SGCZ: variants seen among roughly 807,000 people sequenced by gnomAD.
SGCZ encodes zeta-sarcoglycan.
Under a neutral mutation model 41.3 loss-of-function variants are expected in SGCZ, and 40 were observed. The observed-to-expected ratio is 0.97, with a 90% CI of 0.75 to 1.26. The LOEUF (loss-of-function observed/expected upper bound fraction) is 1.26. Among genes scored for constraint, SGCZ ranks in the 50% most tolerant of loss-of-function variants. The probability of loss-of-function intolerance (pLI) is 0.00; values close to 1 mark genes in which losing one functional copy is unlikely to be tolerated. For synonymous variants in SGCZ, 206 were observed against 137.5 expected (o/e 1.50, Z -3.49); for missense variants, 552 against 369.8 (o/e 1.49, Z -4.04).
At chr8:14,848,870 T>C (rs530397697) in intron 1 of SGCZ, among the ~76,000 whole-genome samples, 2 of 152,236 alleles carry the variant, frequency 1.3e-5, no homozygotes, top group South Asian at 4.1e-4. Context: ...AAACTTTTGC[T>C]CTTTAAATGA....
At chr8:14,600,183 C>G (rs1241954128) in intron 1 of SGCZ, among the ~76,000 whole-genome samples, 1 of 152,146 alleles carries the variant, frequency 6.6e-6, no homozygotes, top group Admixed American at 6.5e-5. Flanking sequence ...TCTCTTGGAT[C>G]TTATTCTGCC....
chr8:14,537,766 T>C (rs969073313), intron 2 of SGCZ, among the ~76,000 whole-genome samples: 1 of 151,926 alleles, frequency 6.6e-6, no homozygotes. Flanking sequence ...GGGAAATTGC[T>C]GCCATGATAA....
intron 1 of SGCZ, among the ~76,000 whole-genome samples, chr8:15,028,390 C>G (rs953338220): frequency 6.6e-6 from 1 of 151,842 alleles, no homozygotes; most frequent in East Asian, 1.9e-4. Flanking sequence ...GGAACACTAT[C>G]GTCTTTCTAA....
intron 2 of SGCZ, among the ~76,000 whole-genome samples, chr8:14,447,308 C>T (rs1419310644): frequency 6.6e-6 from 1 of 152,108 alleles, no homozygotes; most frequent in Non-Finnish European, 1.5e-5. Flanking sequence ...GTGTTTAATG[C>T]ATGTTTTTTT....
At chr8:14,627,503 T>G (rs1806501194) in intron 1 of SGCZ, among the ~76,000 whole-genome samples, 1 of 152,132 alleles carries the variant, frequency 6.6e-6, no homozygotes, top group Admixed American at 6.6e-5. Flanking sequence ...AGTCTTATAT[T>G]TAAAGTCCTC....
chr8:14,648,106 C>T (rs1423747005), intron 1 of SGCZ, among the ~76,000 whole-genome samples: 1 of 151,956 alleles, frequency 6.6e-6, no homozygotes, highest in Non-Finnish European at 1.5e-5. Flanking sequence ...ACTCCAATTC[C>T]ACAGAGCACC....
chr8:14,652,347 G>T (rs866362904), intron 1 of SGCZ, among the ~76,000 whole-genome samples: 1 of 32,934 alleles, frequency 3.0e-5, no homozygotes, highest in Non-Finnish European at 5.8e-5. Flanking sequence ...AAAAAAAAAA[G>T]GGGGGGGTGT....
At chr8:14,367,307 A>G (rs1213235651) in intron 2 of SGCZ, among the ~76,000 whole-genome samples, 1 of 152,056 alleles carries the variant, frequency 6.6e-6, no homozygotes, top group African/African-American at 2.4e-5. Context: ...AAGCCATTTG[A>G]CATGTCTCTA....
chr8:14,997,907 C>T (rs1309796521), intron 1 of SGCZ, among the ~76,000 whole-genome samples: 1 of 152,036 alleles, frequency 6.6e-6, no homozygotes, highest in African/African-American at 2.4e-5. Flanking sequence ...TTGCAGTGAG[C>T]CGAGATGGTG....
chr8:14,757,289 T>C (rs1170763457), intron 1 of SGCZ, among the ~76,000 whole-genome samples: 1 of 152,196 alleles, frequency 6.6e-6, no homozygotes, highest in African/African-American at 2.4e-5. Flanking sequence ...CTTCAGGTGA[T>C]CCATCCGCCT....
At chr8:14,293,379 T>C (rs1800905541) in intron 3 of SGCZ, among the ~76,000 whole-genome samples, 1 of 152,018 alleles carries the variant, frequency 6.6e-6, no homozygotes, top group Non-Finnish European at 1.5e-5. Context: ...ATTTCAGTTT[T>C]CACAAAGAGA....
intron 1 of SGCZ, among the ~76,000 whole-genome samples, chr8:14,717,996 G>GATATATATATATAT (rs140343071): frequency 0.021 from 3,003 of 144,908 alleles, 62 homozygotes; most frequent in African/African-American, 0.038. Context: ...TCTAAAATAA[G>GATATATATATATAT]ATATATATAT....
At chr8:14,169,781 G>C (rs1352792261) in intron 4 of SGCZ, among the ~76,000 whole-genome samples, 2 of 152,190 alleles carry the variant, frequency 1.3e-5, no homozygotes, top group Non-Finnish European at 2.9e-5. Flanking sequence ...GCATATTTTT[G>C]TAAGACTATA....
At chr8:15,023,633 A>G (rs1269363620) in intron 1 of SGCZ, among the ~76,000 whole-genome samples, 1 of 152,186 alleles carries the variant, frequency 6.6e-6, no homozygotes, top group African/African-American at 2.4e-5. Flanking sequence ...CTGCTACAAC[A>G]TTTTTATTAT....
chr8:14,526,871 C>T (rs919570826), intron 2 of SGCZ, among the ~76,000 whole-genome samples: 21 of 152,240 alleles, frequency 1.4e-4, no homozygotes, highest in African/African-American at 5.1e-4. Context: ...ACTATGTGAT[C>T]AAATTTAGTT....
At chr8:14,938,663 T>C (rs1400742691) in intron 1 of SGCZ, among the ~76,000 whole-genome samples, 1 of 152,098 alleles carries the variant, frequency 6.6e-6, no homozygotes. Context: ...TGGAATACTA[T>C]TTAGCCATAA....
rs1799674082 is a variant in SGCZ, at chr8:14,924,179, C to T, written c.39+313406G>A. 2.0e-5 allele frequency among the ~76,000 whole-genome samples: 3 copies of T among 152,210 alleles called. No homozygotes were observed. The South Asian group carries it at 6.2e-4, about 32-fold the overall frequency. ...TAAGAAAACCTATTTGTTGTTCCCA[C>T]AGTAGTGTTTTCATTTCTTTTCTTT... On this transcript the variant is annotated intron_variant, in intron 1 of 7. Transcript: ENST00000382080.
chr8:14,329,420 A>G (rs190814672), intron 2 of SGCZ, among the ~76,000 whole-genome samples: 307 of 152,284 alleles, frequency 2.0e-3, no homozygotes, highest in Non-Finnish European at 3.5e-3. Context: ...TAATATTTTA[A>G]AAAGTAGATT....
chr8:14,200,936 T>C (rs1021388794), intron 4 of SGCZ, among the ~76,000 whole-genome samples: 5 of 152,042 alleles, frequency 3.3e-5, no homozygotes, highest in Non-Finnish European at 7.4e-5. Context: ...GCTTTCAAAA[T>C]TGAATAATTA....
Sources: gnomAD v4.1 joint callset for allele counts (sites outside exome capture counted in the v4.1 genomes callset) on GRCh38, gnomAD v4.1.1 for gene constraint, MANE v1.5 for transcripts, NCBI Gene and HGNC (gene_info 2026-07-23, HGNC 2026-07-21) for gene names.